ATRX: variants seen among roughly 807,000 people sequenced by gnomAD.
ATRX encodes ATRX chromatin remodeler.
Under a neutral mutation model 172.6 loss-of-function variants are expected in ATRX, and 12 were observed. The ratio of observed to expected loss-of-function variants is 0.07; its 90% confidence interval spans 0.04 to 0.11. The LOEUF (loss-of-function observed/expected upper bound fraction) is 0.11, where lower values mean the gene tolerates loss of function less well. Among genes scored for constraint, ATRX ranks in the 10% least tolerant of loss-of-function variants. The probability of loss-of-function intolerance (pLI) is 1.00; values close to 1 mark genes in which losing one functional copy is unlikely to be tolerated. For synonymous variants in ATRX, 674 were observed against 594.7 expected, an observed-to-expected ratio of 1.13 and a Z score of -1.94; for missense variants, 1,368 against 1,767.4, an observed-to-expected ratio of 0.77 and a Z score of 4.05.
rs782744551 is a variant in ATRX, at chrX:77,729,400, A to G, written c.21-12157T>C. On this transcript the variant is annotated intron_variant, in intron 1 of 34. Transcript: ENST00000373344. ...AAGTAATATCTAGCTAATATTACAGAAGATATTTTTCTTCTACCTTTTTGG... is the reference window on the plus strand; with the variant it reads ...AAGTAATATCTAGCTAATATTACAGGAGATATTTTTCTTCTACCTTTTTGG... Among the ~76,000 whole-genome samples, 137 of 112,115 alleles carry G rather than the reference A, an allele frequency of 1.2e-3. 3 individuals carry two copies. Among genetic ancestry groups the G allele is most frequent in the African/African-American group, 4.2e-3 (130 of 30,958 alleles).
At chrX:77,767,040 A>T (rs1354458092) in intron 1 of ATRX, among the ~76,000 whole-genome samples, 2 of 112,690 alleles carry the variant, frequency 1.8e-5, no homozygotes, top group Non-Finnish European at 3.8e-5. Flanking sequence ...CAACACAGCG[A>T]AACCCCATCT....
chrX:77,722,783 C>T (rs1019176134), intron 1 of ATRX, among the ~76,000 whole-genome samples: 2 of 111,564 alleles, frequency 1.8e-5, no homozygotes, highest in African/African-American at 3.3e-5. Flanking sequence ...GACAGTGTGG[C>T]GATTCCTCAA....
chrX:77,722,885 T>G (rs979822770), intron 1 of ATRX, among the ~76,000 whole-genome samples: 20 of 111,901 alleles, frequency 1.8e-4, no homozygotes, highest in African/African-American at 6.5e-4. Context: ...TAAAGACACA[T>G]GCACACATGT....
At chrX:77,564,060 C>T (rs1027358165) in intron 28 of ATRX, among the ~76,000 whole-genome samples, 1 of 111,399 alleles carries the variant, frequency 9.0e-6, no homozygotes. Context: ...TAGGATGATG[C>T]CCACTCACAC....
In ATRX at chrX:77,682,253, T is replaced by G. The variant is rs782295266; in HGVS notation, c.3003A>C (p.Lys1001Asn). The change falls in exon 9 of 35, where the codon AAA becomes AAC. Residue 1001 changes from lysine (K) to asparagine (N), a missense_variant. By Grantham distance (94) the Lys-to-Asn change is moderately conservative (BLOSUM62 0). This residue lies in a region of ATRX where 843 missense variants were observed against 643.1 expected (regional missense o/e 1.31). Coordinates refer to ENST00000373344, the MANE Select transcript of ATRX (RefSeq NM_000489.6). ...CATACTGTTGTTCCATTTTAATTAC[T>G]TTTTTCTTAAAGTCTGAAGGTTTCT... is the stretch of plus-strand genomic sequence containing the variant. ...EKKKPSDFKK[K>N]VIKMEQQYES... 3.3e-6 allele frequency: 4 copies of G among 1,204,844 alleles called. No individual in the cohort carries two copies. In the African/African-American group the frequency reaches 5.3e-5, roughly 16 times the overall value.
intron 34 of ATRX, among the ~76,000 whole-genome samples, chrX:77,512,846 G>A (rs2062916468): frequency 9.0e-6 from 1 of 111,061 alleles, no homozygotes; most frequent in Non-Finnish European, 1.9e-5. Context: ...CTCCAGCCTG[G>A]GCAACACAGT....
At chrX:77,742,011 A>C (rs183996145) in intron 1 of ATRX, among the ~76,000 whole-genome samples, 6 of 111,628 alleles carry the variant, frequency 5.4e-5, no homozygotes, top group African/African-American at 1.9e-4. Context: ...ATGTACATAT[A>C]GAGGGTTTTA....
Position 77,682,979 on chromosome X carries a change from T to C in ATRX, c.2277A>G (p.Thr759=), listed in dbSNP as rs2148602323. 5 of 1,210,999 alleles carry C rather than the reference T, an allele frequency of 4.1e-6. No individual in the cohort carries two copies. The highest frequency in any genetic ancestry group is 4.5e-6 in the Non-Finnish European group (4 of 895,051). Residue 759 remains threonine (T), a synonymous_variant, in exon 9 of 35, where the codon ACA becomes ACG. Coordinates refer to ENST00000373344, the MANE Select transcript of ATRX (RefSeq NM_000489.6). ...SSDTDINEIH[T]NHKTLYDLKT... The stretch of plus-strand genomic sequence containing the variant: ...TTAAATCATACAAAGTCTTATGGTT[T>C]GTATGAATTTCATTAATATCAGTAT...
At chrX:77,737,505 T>G in intron 1 of ATRX, among the ~76,000 whole-genome samples, 1 of 105,760 alleles carries the variant, frequency 9.5e-6, no homozygotes, top group South Asian at 4.4e-4. Context: ...ATACATTAAT[T>G]AATCTAATTA....
chrX:77,521,698 A>T, intron 32 of ATRX, 200 bp from the exon 33 acceptor site: 1 of 353,166 alleles, frequency 2.8e-6, no homozygotes, highest in Non-Finnish European at 5.0e-6. Context: ...AGATTAAAAA[A>T]GTTTGAGTTT....
chrX:77,721,858 C>G (rs1482434187), intron 1 of ATRX, among the ~76,000 whole-genome samples: 1 of 111,525 alleles, frequency 9.0e-6, no homozygotes, highest in Admixed American at 9.6e-5. Context: ...AAATACCCCA[C>G]AGGGCCACGA....
chrX:77,755,060 T>C (rs1362987200), intron 1 of ATRX, among the ~76,000 whole-genome samples: 1 of 112,558 alleles, frequency 8.9e-6, no homozygotes, highest in Non-Finnish European at 1.9e-5. Flanking sequence ...TCTAATCTTG[T>C]CTTCATGCCT....
intron 28 of ATRX, among the ~76,000 whole-genome samples, chrX:77,560,026 T>C (rs910700347): frequency 6.3e-5 from 7 of 111,365 alleles, no homozygotes; most frequent in Non-Finnish European, 9.4e-5. Context: ...TTGTGGTAAA[T>C]TACTACCTTA....
intron 13 of ATRX, among the ~76,000 whole-genome samples, chrX:77,656,355 CT>C (rs2069550165): frequency 8.9e-6 from 1 of 111,800 alleles, no homozygotes; most frequent in African/African-American, 3.2e-5. Context: ...GACTGAAAAT[CT>C]ACCCAGGTTA....
intron 1 of ATRX, among the ~76,000 whole-genome samples, chrX:77,725,457 A>C (rs1454140747): frequency 5.3e-5 from 6 of 112,223 alleles, no homozygotes; most frequent in African/African-American, 1.9e-4. Flanking sequence ...CTTACACCTT[A>C]CACAAAAATT....
rs542280197 is a variant in ATRX, at chrX:77,761,916, C to T, written c.20+24066G>A. ...AAGTCATGAAGTATTATTTTTTCCA[C>T]GTCTGGCTAACTTCACTTGCCATAA... On this transcript the variant is annotated intron_variant, in intron 1 of 34. Coordinates refer to ENST00000373344, the MANE Select transcript of ATRX (RefSeq NM_000489.6). 8.1e-5 allele frequency among the ~76,000 whole-genome samples: 9 copies of T among 111,289 alleles called. No individual in the cohort carries two copies. In the South Asian group the frequency reaches 2.3e-3, roughly 28 times the overall value.
Position 77,684,213 on chromosome X carries a change from A to G in ATRX, c.1043T>C (p.Val348Ala), listed in dbSNP as rs975407914. ...SVTYSYSALIVPKEMIKKAKK... is the reference protein window; with the variant it reads ...SVTYSYSALIAPKEMIKKAKK... ...TGCCTTCTTAATCATCTCTTTGGGC[A>G]CAATTAGTGCGGAATAAGAGTAGGT... The change falls in exon 9 of 35, where the codon GTG (valine) becomes GCG (alanine). Residue 348 changes from valine to alanine, a missense_variant. Val to Ala is a moderately conservative substitution (Grantham distance 64, BLOSUM62 0). Around this residue, in one of 17 missense-constraint regions of ATRX, gnomAD observed 843 missense variants for 643.1 expected, o/e 1.31. Coordinates refer to ENST00000373344, the MANE Select transcript of ATRX (RefSeq NM_000489.6). 4.1e-6 allele frequency: 5 copies of G among 1,211,321 alleles called. No homozygotes were observed. The highest frequency in any genetic ancestry group is 5.6e-6 in the Non-Finnish European group (5 of 895,349).
intron 19 of ATRX, among the ~76,000 whole-genome samples, chrX:77,625,927 A>G (rs1177410098): frequency 1.6e-4 from 17 of 105,410 alleles, no homozygotes; most frequent in African/African-American, 5.5e-4. Context: ...TTCAAAAAAG[A>G]TATTTGCACA....
chrX:77,655,458 T>C (rs2069496888), intron 13 of ATRX, among the ~76,000 whole-genome samples: 1 of 111,235 alleles, frequency 9.0e-6, no homozygotes, highest in African/African-American at 3.3e-5. Context: ...ATATACATTA[T>C]ATGAATCAAC....
Sources: gnomAD v4.1 joint callset for allele counts (sites outside exome capture counted in the v4.1 genomes callset) on GRCh38, gnomAD v4.1.1 for gene constraint, gnomAD v4.1.1 regional missense constraint, MANE v1.5 for transcripts, NCBI Gene and HGNC (gene_info 2026-07-23, HGNC 2026-07-21) for gene names.